PM20D2: variants seen among roughly 807,000 people sequenced by gnomAD.
The protein encoded by PM20D2 is peptidase M20 domain containing 2.
PM20D2 carries 33 observed loss-of-function variants against 42.9 expected under a neutral mutation model. That is an observed-to-expected ratio of 0.77 (90% CI 0.58 to 1.03). The LOEUF (loss-of-function observed/expected upper bound fraction) is 1.03. Ranked by LOEUF, PM20D2 falls within the 50% of genes least tolerant of loss-of-function variation. PM20D2 has a pLI of 0.00. For missense variants in PM20D2, 548 were observed against 557.0 expected (o/e 0.98, Z 0.16); for synonymous variants, 250 against 228.2 (o/e 1.10, Z -0.86).
At chr6:89,155,180 T>C (rs1770996165) in intron 4 of PM20D2, among the ~76,000 whole-genome samples, 1 of 151,844 alleles carries the variant, frequency 6.6e-6, no homozygotes, top group Admixed American at 6.6e-5. Flanking sequence ...GTTATATTCT[T>C]CCTTGTCGGC....
chr6:89,131,076 ACT>A, the PM20D2 span, among the ~76,000 whole-genome samples: 1 of 151,480 alleles, frequency 6.6e-6, no homozygotes, highest in Non-Finnish European at 1.5e-5. Flanking sequence ...TGCTGGTGGA[ACT>A]CTCTGCAGAG....
chr6:89,098,561 G>GCT, the PM20D2 span: 7 of 1,592,392 alleles, frequency 4.4e-6, no homozygotes, highest in African/African-American at 1.3e-5. Flanking sequence ...ACGGCGTGGT[G>GCT]CTCTTTCTGT....
chr6:89,103,077 T>C, the PM20D2 span, among the ~76,000 whole-genome samples: 1 of 152,030 alleles, frequency 6.6e-6, no homozygotes, highest in African/African-American at 2.4e-5. Context: ...AGACAGTTTT[T>C]AAAATGAGAA....
intron 5 of PM20D2, among the ~76,000 whole-genome samples, chr6:89,159,549 G>A (rs1771165242): frequency 6.6e-6 from 1 of 152,202 alleles, no homozygotes; most frequent in African/African-American, 2.4e-5. Context: ...TGAGATAGTG[G>A]AAGTAGCAAA....
chr6:89,144,221 C>T (rs1485058523), upstream of PM20D2, among the ~76,000 whole-genome samples: 3 of 123,822 alleles, frequency 2.4e-5, no homozygotes, highest in South Asian at 8.1e-4. Context: ...TCTGTCTTTC[C>T]TCTACCTCAA....
At chr6:89,132,307 T>A in the PM20D2 span, among the ~76,000 whole-genome samples, 1 of 144,854 alleles carries the variant, frequency 6.9e-6, no homozygotes, top group Non-Finnish European at 1.5e-5. Flanking sequence ...CACTCAAACT[T>A]CCTGTGCTGC....
the PM20D2 span, among the ~76,000 whole-genome samples, chr6:89,114,603 TA>T: frequency 0.18 from 24,625 of 133,840 alleles, 4,020 homozygotes; most frequent in African/African-American, 0.46. Flanking sequence ...GTGGCAAAGC[TA>T]AAAAAAAAAA....
chr6:89,137,126 TCAAC>T, the PM20D2 span, among the ~76,000 whole-genome samples: 1 of 146,198 alleles, frequency 6.8e-6, no homozygotes, highest in Non-Finnish European at 1.5e-5. Flanking sequence ...GGATATTAAA[TCAAC>T]CAAAAACTAA....
At position 89,149,396 on chromosome 6, in the gene PM20D2, A is replaced by C. The variant is rs759682205; in HGVS notation, c.597A>C (p.Pro199=). 6.2e-7 allele frequency: 1 copy of C among 1,614,054 alleles called. No individual in the cohort carries two copies. The highest frequency in any genetic ancestry group is 8.5e-7 in the Non-Finnish European group (1 of 1,179,954). ...HPSQENAAYL[P]DMAEHDVTVK... ...CACAAGAGAATGCTGCTTATCTACC[A>C]GATATGGCTGAACATGAGTGAGTAA... The change falls in exon 2 of 7, where the codon CCA becomes CCC. Residue 199 remains proline, a synonymous_variant. Transcript: ENST00000275072.
At chr6:89,117,834 C>T in the PM20D2 span, 2 of 1,558,430 alleles carry the variant, frequency 1.3e-6, no homozygotes, top group Non-Finnish European at 1.7e-6. Flanking sequence ...TGGTGGCGTC[C>T]GCGACGTTCC....
At chr6:89,115,172 A>G in the PM20D2 span, among the ~76,000 whole-genome samples, 1 of 152,074 alleles carries the variant, frequency 6.6e-6, no homozygotes, top group Non-Finnish European at 1.5e-5. Flanking sequence ...ATCATCGTTC[A>G]CTGTAACCTT....
At chr6:89,118,260 T>C in the PM20D2 span, among the ~76,000 whole-genome samples, 1 of 152,090 alleles carries the variant, frequency 6.6e-6, no homozygotes, top group Non-Finnish European at 1.5e-5. Flanking sequence ...AAGAGGGGGC[T>C]TGAGGCCGCG....
chr6:89,146,343 G>T lies in PM20D2; in HGVS notation c.199G>T (p.Glu67Ter). The T allele has an allele frequency of 2.6e-6, 4 of 1,563,528 alleles. No individual in the cohort carries two copies. The highest frequency in any genetic ancestry group is 2.6e-6 in the Non-Finnish European group (3 of 1,163,036). ...HAHRVLTHFF[E>*]REPPAASWAV... ...CCACCGCGTGCTGACGCACTTCTTC[G>T]AGCGGGAGCCGCCCGCGGCCTCCTG... is the stretch of plus-strand genomic sequence containing the variant. The change falls in exon 1 of 7, where the codon GAG (glutamate) becomes TAG (stop). Residue 67 changes from glutamate to a stop codon, truncating the protein, a stop_gained. Transcript: ENST00000275072. LOFTEE classifies it high-confidence loss of function.
rs1418943673 is a variant in PM20D2, at chr6:89,164,014, CTA to C, written c.*1756_*1757del. ...TGTGGTACTATGAATTACTAAATTGCTATATACCATGTAATAGTGAGTATAGC... is the reference window on the plus strand; with the variant it reads ...TGTGGTACTATGAATTACTAAATTGCTATACCATGTAATAGTGAGTATAGC... On this transcript the variant is annotated 3_prime_UTR_variant, in exon 7 of 7. Coordinates refer to ENST00000275072, the MANE Select transcript of PM20D2 (RefSeq NM_001010853.3). 1 of 151,982 alleles carries C rather than the reference CTA, an allele frequency of 6.6e-6. No homozygotes were observed. Among genetic ancestry groups the C allele is most frequent in the Non-Finnish European group, 1.5e-5 (1 of 68,016 alleles). 9.4% of individuals were successfully genotyped at this position (151,982 alleles called of 1,614,324 possible).
At chr6:89,115,631 C>CTTTTT in the PM20D2 span, among the ~76,000 whole-genome samples, 27 of 129,002 alleles carry the variant, frequency 2.1e-4, no homozygotes, top group African/African-American at 2.5e-4. Context: ...TTTTTTCTTT[C>CTTTTT]TTTTTTTTTT....
At chr6:89,143,282 T>A (rs1277815933), upstream of PM20D2, among the ~76,000 whole-genome samples, 1 of 152,224 alleles carries the variant, frequency 6.6e-6, no homozygotes, top group African/African-American at 2.4e-5. Context: ...AATTTGGCTG[T>A]ATTTTAGTTG....
the PM20D2 span, among the ~76,000 whole-genome samples, chr6:89,123,092 A>G: frequency 6.6e-6 from 1 of 152,242 alleles, no homozygotes; most frequent in Non-Finnish European, 1.5e-5. Context: ...AAGTCAACTT[A>G]GAAGGCCTGT....
intron 1 of PM20D2, among the ~76,000 whole-genome samples, 182 bp downstream of exon 1, chr6:89,146,791 CAA>C (rs1770590270): frequency 6.6e-6 from 1 of 152,224 alleles, no homozygotes; most frequent in Non-Finnish European, 1.5e-5. Flanking sequence ...AACCCCCAGT[CAA>C]AGTCAGTTCG....
chr6:89,156,948 T>G (rs1202598389), intron 4 of PM20D2, among the ~76,000 whole-genome samples: 1 of 152,204 alleles, frequency 6.6e-6, no homozygotes, highest in Non-Finnish European at 1.5e-5. Context: ...ATTTATTCCC[T>G]TATTCATTTA....
Sources: allele counts gnomAD v4.1 joint callset (sites outside exome capture counted in the v4.1 genomes callset), GRCh38; gene constraint gnomAD v4.1.1; transcripts MANE v1.5; gene names NCBI Gene and HGNC (gene_info 2026-07-23, HGNC 2026-07-21).